Variants in ELN observed in about 807,000 individuals in gnomAD.
ELN encodes elastin.
A neutral mutation model predicts 105.8 loss-of-function variants in ELN; 65 were observed. The observed-to-expected ratio is 0.61, with a 90% confidence interval of 0.50 to 0.75. The LOEUF (loss-of-function observed/expected upper bound fraction) is 0.75, where lower values mean the gene tolerates loss of function less well. ELN is among the 30% of genes least tolerant of loss of function. ELN has a pLI of 0.00. For missense variants in ELN, 882 were observed against 969.4 expected (o/e 0.91, Z 1.20); for synonymous variants, 368 against 389.2 (o/e 0.95, Z 0.64).
intron 1 of ELN, among the ~76,000 whole-genome samples, chr7:74,029,939 G>A (rs1788295822): frequency 6.6e-6 from 1 of 152,200 alleles, no homozygotes; most frequent in Non-Finnish European, 1.5e-5. Context: ...AGGGGCAAGG[G>A]GGTTAGGAGT....
In ELN at chr7:74,048,389, T is replaced by G. The variant is rs73705338; in HGVS notation, c.746-114T>G. On this transcript the variant is annotated intron_variant, in intron 14 of 32. Transcript: ENST00000252034. Reference sequence around the variant, plus strand: ...CATCAGCCTCTGCCTACTCTGAAGCTCCCATGTATACCCACATGTCAGTGG... The same window carrying G: ...CATCAGCCTCTGCCTACTCTGAAGCGCCCATGTATACCCACATGTCAGTGG... The G allele has an allele frequency of 3.8e-4, 592 of 1,543,292 alleles. 3 individuals are homozygous for G. In the African/African-American group the frequency reaches 6.0e-3, roughly 16 times the overall value.
chr7:74,054,827 T>G, intron 19 of ELN, 58 bp downstream of exon 19: 1 of 1,590,256 alleles, frequency 6.3e-7, no homozygotes, highest in Non-Finnish European at 8.6e-7. Context: ...TTGCCAGAAC[T>G]AAAGGACCCT....
At chr7:74,039,385 C>T (rs1554667243) in intron 4 of ELN, among the ~76,000 whole-genome samples, 1 of 152,226 alleles carries the variant, frequency 6.6e-6, no homozygotes, top group African/African-American at 2.4e-5. Context: ...CTCAGGGCTA[C>T]AGAAGGGTCG....
chr7:74,042,449 C>T (rs1791448429), intron 5 of ELN, among the ~76,000 whole-genome samples, 165 bp from the exon 6 acceptor site: 1 of 151,996 alleles, frequency 6.6e-6, no homozygotes, highest in Admixed American at 6.6e-5. Flanking sequence ...AATCCATTAC[C>T]GGTGAGCAGT....
intron 18 of ELN, 83 bp from the exon 19 acceptor site, chr7:74,054,633 C>A: frequency 7.0e-7 from 1 of 1,421,184 alleles, no homozygotes; most frequent in Non-Finnish European, 1.0e-6. Flanking sequence ...GCCCAACACA[C>A]AGATGGGTAG....
chr7:74,066,798 T>G (rs1554689644), intron 32 of ELN, 22 bp downstream of exon 32: 6 of 1,612,330 alleles, frequency 3.7e-6, no homozygotes, highest in Non-Finnish European at 5.1e-6. Context: ...TCCCTGCCCC[T>G]GGGCCCTGCC....
chr7:74,056,202 G>A, intron 19 of ELN, 69 bp from the exon 20 acceptor site: 2 of 1,595,306 alleles, frequency 1.3e-6, no homozygotes, highest in Admixed American at 1.7e-5. Context: ...CAATCCATCA[G>A]CATCCCTCAG....
chr7:74,029,452 G>A (rs137889859), intron 1 of ELN, among the ~76,000 whole-genome samples: 1 of 152,166 alleles, frequency 6.6e-6, no homozygotes, highest in Non-Finnish European at 1.5e-5. Context: ...ATGGGAAAAA[G>A]GAGGGCATTT....
rs1554679514 is a variant in ELN at position 74,056,256 on chromosome 7, C to G, written c.1151-15C>G. On this transcript the variant is annotated splice_polypyrimidine_tract_variant and intron_variant, in intron 19 of 32. Transcript: ENST00000252034. ...CACTGAGCTTCTTTTCTACTTGGCT[C>G]CCTTCCCTCTGCAGGGGCCAGGCCC... is the stretch of plus-strand genomic sequence containing the variant. 1.9e-6 allele frequency: 3 copies of G among 1,614,230 alleles called. No homozygotes were observed. Among genetic ancestry groups the G allele is most frequent in the Non-Finnish European group, 2.5e-6 (3 of 1,180,048 alleles).
Position 74,037,742 on chromosome 7 carries a change from A to G in ELN, c.196+3A>G. The G allele has an allele frequency of 6.2e-7, 1 of 1,611,862 alleles. No homozygotes were observed. Among genetic ancestry groups the G allele is most frequent in the East Asian group, 2.2e-5 (1 of 44,852 alleles). On this transcript the variant is annotated splice_donor_region_variant and intron_variant, in intron 4 of 32. Coordinates refer to ENST00000252034, the MANE Select transcript of ELN (RefSeq NM_000501.4). ...TGGAGGCAAACCTCTTAAGCCAGGTAAGACCCAAGGCCTCGGAGCATTGAG... is the reference window on the plus strand; with the variant it reads ...TGGAGGCAAACCTCTTAAGCCAGGTGAGACCCAAGGCCTCGGAGCATTGAG...
At chr7:74,053,385 G>T in intron 18 of ELN, 76 bp downstream of exon 18, 2 of 1,564,098 alleles carry the variant, frequency 1.3e-6, no homozygotes, top group Non-Finnish European at 1.7e-6. Flanking sequence ...TGAGACTATT[G>T]CCAAAATTTT....
chr7:74,060,199 C>T lies in ELN; in HGVS notation c.1621+15C>T, dbSNP rs1554683386. On this transcript the variant is annotated intron_variant, in intron 24 of 32. Coordinates refer to ENST00000252034, the MANE Select transcript of ELN (RefSeq NM_000501.4). ...AGCCCAGCTCCGTGAGTGCCTCGCC[C>T]ACCTTTCTCTCCTCTCCCCAACGAT... The T allele has an allele frequency of 3.1e-6, 5 of 1,614,000 alleles. No homozygotes were observed. In the Admixed American group the frequency reaches 8.3e-5, roughly 27 times the overall value.
Position 74,056,091 on chromosome 7 carries a change from AT to A in ELN, c.1151-172del, listed in dbSNP as rs201973900. 0.013 allele frequency among the ~76,000 whole-genome samples: 2,014 copies of A among 152,072 alleles called. 27 individuals carry two copies. Among genetic ancestry groups the A allele is most frequent in the Middle Eastern group, 0.02 (6 of 294 alleles). ...CATGAGCCACTGCACCCGGCCCCAC[AT>A]TTTTTTTAAAGGCTTCATGGTGGAG... On this transcript the variant is annotated intron_variant, in intron 19 of 32. Transcript: ENST00000252034.
intron 5 of ELN, among the ~76,000 whole-genome samples, chr7:74,042,116 C>T (rs1428282130): frequency 1.3e-5 from 2 of 151,836 alleles, no homozygotes; most frequent in Non-Finnish European, 2.9e-5. Context: ...ACATTAACCT[C>T]GGCACACAAT....
chr7:74,051,820 T>C lies in ELN; in HGVS notation c.870T>C (p.Pro290=), dbSNP rs1794105324. ...AGVPGVPGAI[P]GIGGIAGVGT... is the part of the protein sequence containing the mutation. ...TTCCTGGCGTGCCTGGGGCAATTCC[T>C]GGAATTGGAGGCATCGCAGGTAACA... Residue 290 remains proline (P), a synonymous_variant, in exon 16 of 33, where the codon CCT becomes CCC. Transcript: ENST00000252034. 2 of 1,614,112 alleles carry C rather than the reference T, an allele frequency of 1.2e-6. No homozygotes were observed. Among genetic ancestry groups the C allele is most frequent in the Non-Finnish European group, 1.7e-6 (2 of 1,180,038 alleles).
intron 9 of ELN, among the ~76,000 whole-genome samples, 157 bp from the exon 10 acceptor site, chr7:74,045,065 C>A (rs782533583): frequency 6.6e-6 from 1 of 152,232 alleles, no homozygotes. Context: ...GGAAAGTCAG[C>A]ACTAAACAGG....
At chr7:74,030,350 G>T (rs1163328101) in intron 1 of ELN, among the ~76,000 whole-genome samples, 6 of 152,140 alleles carry the variant, frequency 3.9e-5, no homozygotes, top group African/African-American at 1.4e-4. Flanking sequence ...CTGTTGCGGG[G>T]GTGGGGGAGC....
Position 74,063,054 on chromosome 7 carries a change from C to T in ELN, c.1787-99C>T. On this transcript the variant is annotated intron_variant, in intron 26 of 32. Transcript: ENST00000252034. This position sits in a 1 kb window ranked among gnomAD's most constrained non-coding sequence, Gnocchi z 4.1. ...CCTGTCCACTGCTCCTCCACAGTGTCACATGGCCCCTGCCACCTGTCTGCT... is the reference window on the plus strand; with the variant it reads ...CCTGTCCACTGCTCCTCCACAGTGTTACATGGCCCCTGCCACCTGTCTGCT... The T allele has an allele frequency of 6.9e-7, 1 of 1,444,576 alleles. No individual in the cohort carries two copies. The highest frequency in any genetic ancestry group is 9.5e-7 in the Non-Finnish European group (1 of 1,057,398). 89.5% of individuals were successfully genotyped at this position (1,444,576 alleles called of 1,614,324 possible).
intron 17 of ELN, 139 bp from the exon 18 acceptor site, chr7:74,053,024 A>C: frequency 2.8e-5 from 33 of 1,167,062 alleles, no homozygotes; most frequent in Middle Eastern, 2.0e-4. Flanking sequence ...TCTGATGAGT[A>C]GGATCCATGC....
Sources: gnomAD v4.1 joint callset for allele counts (sites outside exome capture counted in the v4.1 genomes callset) on GRCh38, gnomAD v4.1.1 for gene constraint, Gnocchi (gnomAD v3.1) non-coding constraint, MANE v1.5 for transcripts, NCBI Gene and HGNC (gene_info 2026-07-23, HGNC 2026-07-21) for gene names.